The following CKAP5 variants were observed in gnomAD, a reference collection of about 807,000 sequenced individuals.
CKAP5 encodes the protein cytoskeleton-associated protein 5.
A neutral mutation model predicts 232.8 loss-of-function variants in CKAP5; 27 were observed. The observed-to-expected ratio is 0.12, with a 90% CI of 0.09 to 0.16. The LOEUF is 0.16. Ranked by LOEUF, CKAP5 falls within the 10% of genes least tolerant of loss-of-function variation. The pLI is 1.00. For missense variants in CKAP5, 1,838 were observed against 2,424.7 expected (o/e 0.76, Z 5.08); for synonymous variants, 785 against 841.1 (o/e 0.93, Z 1.16).
At chr11:46,785,682 T>C (rs1040180082) in intron 16 of CKAP5, among the ~76,000 whole-genome samples, 1 of 151,956 alleles carries the variant, frequency 6.6e-6, no homozygotes, top group Non-Finnish European at 1.5e-5. Flanking sequence ...GCCTGGCTCA[T>C]GCCTGTAATC....
chr11:46,751,352 C>T lies in CKAP5; in HGVS notation c.5316G>A (p.Gly1772=). ...TLLHTLCKLK[G]PKILDHLTMI... is the part of the protein sequence containing the mutation. ...AGTTGCGATTCTTACTCACCTTGGG[C>T]CCTTTTAATTTGCATAAGGTGTGTA... The change falls in exon 39 of 44, where the codon GGG becomes GGA. Residue 1772 remains glycine (G), a synonymous_variant. Transcript: ENST00000529230. 1.2e-6 allele frequency: 2 copies of T among 1,613,736 alleles called. No homozygotes were observed. Among genetic ancestry groups the T allele is most frequent in the Non-Finnish European group, 1.7e-6 (2 of 1,179,842 alleles).
intron 8 of CKAP5, among the ~76,000 whole-genome samples, chr11:46,804,343 G>A (rs147072669): frequency 6.6e-6 from 1 of 152,216 alleles, no homozygotes; most frequent in East Asian, 1.9e-4. Flanking sequence ...GGAAATGAGA[G>A]TAGGGAAGAT....
intron 1 of CKAP5, among the ~76,000 whole-genome samples, chr11:46,841,970 C>G (rs1940064078): frequency 6.9e-6 from 1 of 145,258 alleles, no homozygotes; most frequent in African/African-American, 2.5e-5. Context: ...TGCACTCCAG[C>G]CCTGGAGAAA....
In CKAP5 at chr11:46,773,088, C is replaced by T. The variant is rs539795104; in HGVS notation, c.2992-2106G>A. ...ATCTGTAGAGGTTGTTATGCAGATG[C>T]TTATATCAAGTTGAGGTAATTCTCT... is the stretch of plus-strand genomic sequence containing the variant. On this transcript the variant is annotated intron_variant, in intron 24 of 43. Coordinates refer to ENST00000529230, the MANE Select transcript of CKAP5 (RefSeq NM_001008938.4). Among the ~76,000 whole-genome samples, 10 of 152,060 alleles carry T rather than the reference C, an allele frequency of 6.6e-5. No homozygotes were observed. The East Asian group carries it at 1.9e-3, about 29-fold the overall frequency.
intron 8 of CKAP5, among the ~76,000 whole-genome samples, chr11:46,803,710 C>G (rs746301954): frequency 9.2e-5 from 14 of 152,196 alleles, no homozygotes; most frequent in Non-Finnish European, 1.6e-4. Flanking sequence ...TCCCTCTCAA[C>G]TTGTGTTAAG....
intron 23 of CKAP5, among the ~76,000 whole-genome samples, chr11:46,777,129 T>C (rs559704691): frequency 4.6e-5 from 7 of 152,328 alleles, no homozygotes; most frequent in Admixed American, 1.3e-4. Flanking sequence ...GTGCATACTA[T>C]ATGAGACAGG....
Position 46,763,514 on chromosome 11 carries a change from C to T in CKAP5, c.3654G>A (p.Gln1218=). The part of the protein sequence containing the change: ...LQDEMFHSDF[Q]HHNKALAVMV... ...TAACAGCAAGGGCTTTGTTATGATG[C>T]TGAAAGTCTGAGTGAAACATCTCAT... The change falls in exon 29 of 44, where the codon CAG becomes CAA. Residue 1218 remains glutamine (Q), a synonymous_variant. Coordinates refer to ENST00000529230, the MANE Select transcript of CKAP5 (RefSeq NM_001008938.4). The T allele has an allele frequency of 6.2e-7, 1 of 1,602,948 alleles. No individual in the cohort carries two copies. Among genetic ancestry groups the T allele is most frequent in the African/African-American group, 1.3e-5 (1 of 74,318 alleles).
intron 1 of CKAP5, among the ~76,000 whole-genome samples, chr11:46,828,527 CAA>C (rs1338607417): frequency 1.3e-5 from 2 of 152,108 alleles, no homozygotes; most frequent in Non-Finnish European, 2.9e-5. Flanking sequence ...CTTTTTCTTC[CAA>C]TGTGTGATAC....
chr11:46,836,798 T>C (rs1257255525), intron 1 of CKAP5, among the ~76,000 whole-genome samples: 1 of 152,148 alleles, frequency 6.6e-6, no homozygotes, highest in Non-Finnish European at 1.5e-5. Flanking sequence ...ATTAAAAATT[T>C]ATGTCAGCTG....
chr11:46,745,796 T>G (rs2065018160), intron 42 of CKAP5, among the ~76,000 whole-genome samples: 2 of 151,422 alleles, frequency 1.3e-5, no homozygotes, highest in South Asian at 4.2e-4. Flanking sequence ...TAAAAAAAAT[T>G]CAAAAATTAG....
intron 16 of CKAP5, among the ~76,000 whole-genome samples, chr11:46,787,713 A>G (rs1428153645): frequency 1.3e-5 from 2 of 152,240 alleles, no homozygotes; most frequent in African/African-American, 2.4e-5. Flanking sequence ...AAAAATGTAT[A>G]TATCTAAATT....
intron 24 of CKAP5, among the ~76,000 whole-genome samples, chr11:46,775,583 C>G (rs965795920): frequency 2.0e-5 from 3 of 152,134 alleles, no homozygotes; most frequent in African/African-American, 4.8e-5. Flanking sequence ...AAATGCCCAT[C>G]ATGTTAGACT....
At chr11:46,799,797 G>A (rs559394209) in intron 9 of CKAP5, among the ~76,000 whole-genome samples, 1 of 152,272 alleles carries the variant, frequency 6.6e-6, no homozygotes, top group African/African-American at 2.4e-5. Context: ...TCAGGATTTC[G>A]AGACCAGCCT....
rs1408067343 is a variant in CKAP5, at chr11:46,780,332, A to G, written c.2308-13T>C. On this transcript the variant is annotated splice_polypyrimidine_tract_variant and intron_variant, in intron 19 of 43. Transcript: ENST00000529230. ...CAGTCCTCACAGCCTGCCAGACAGA[A>G]GAAAAATAACTTTTTAAATCACAAA... 2 of 1,613,832 alleles carry G rather than the reference A, an allele frequency of 1.2e-6. No individual in the cohort carries two copies. The highest frequency in any genetic ancestry group is 2.2e-5 in the East Asian group (1 of 44,840).
At chr11:46,809,578 C>A in intron 6 of CKAP5, 78 bp from the exon 7 acceptor site, 2 of 1,354,254 alleles carry the variant, frequency 1.5e-6, no homozygotes, top group South Asian at 1.2e-5. Flanking sequence ...CTTTCACAAC[C>A]CTGATGAAAT....
rs2065308107 is a variant in CKAP5, at chr11:46,778,306, T to C, written c.2581A>G (p.Ile861Val). ...ATCTTAGATACCAACTCTGAAGTGA[T>C]TTTATCACTGAAAAACAGAAAATAA... ...LLPRTEISDK[I>V]TSELVSKIGD... is the part of the protein sequence containing the mutation. Residue 861 changes from isoleucine (I) to valine (V), a missense_variant, in exon 22 of 44, where the codon ATC becomes GTC. Transcript: ENST00000529230. 6.2e-7 allele frequency: 1 copy of C among 1,611,968 alleles called. No individual in the cohort carries two copies.
intron 34 of CKAP5, 79 bp from the exon 35 acceptor site, chr11:46,759,122 T>G: frequency 6.4e-7 from 1 of 1,552,240 alleles, no homozygotes; most frequent in Admixed American, 1.8e-5. Context: ...AATTCTCCAC[T>G]AGGTCCAGGT....
rs10691984 is a variant in CKAP5 at position 46,776,840 on chromosome 11, T to TTAA, written c.2863-458_2863-457insTTA. ...ACATTAATATTAAAAGCACAAATTA[T>TTAA]ATTAAATAAAGTTCCTCAAGTTAAA... On this transcript the variant is annotated intron_variant, in intron 23 of 43. Transcript: ENST00000529230. 6.1e-3 allele frequency among the ~76,000 whole-genome samples: 931 copies of TTAA among 151,800 alleles called. 10 individuals are homozygous for TTAA. The highest frequency in any genetic ancestry group is 7.0e-3 in the Non-Finnish European group (473 of 67,970).
chr11:46,838,130 A>C (rs1326919524), intron 1 of CKAP5, among the ~76,000 whole-genome samples: 50 of 152,324 alleles, frequency 3.3e-4, no homozygotes, highest in Non-Finnish European at 5.9e-5. Context: ...TTCCTGCCCA[A>C]AACCTGTAAC....
Sources: gnomAD v4.1 joint callset for allele counts (sites outside exome capture counted in the v4.1 genomes callset) on GRCh38, gnomAD v4.1.1 for gene constraint, MANE v1.5 for transcripts, NCBI Gene and HGNC (gene_info 2026-07-23, HGNC 2026-07-21) for gene names.